Variants in CCSER1 observed in about 807,000 individuals in gnomAD.
CCSER1 encodes the protein coiled-coil serine rich protein 1.
CCSER1 carries 41 observed loss-of-function variants against 82.0 expected under a neutral mutation model. The observed-to-expected ratio is 0.50, with a 90% CI of 0.39 to 0.65. The LOEUF (loss-of-function observed/expected upper bound fraction) is 0.65, where lower values mean the gene tolerates loss of function less well. CCSER1 is among the 30% of genes least tolerant of loss of function. The probability of loss-of-function intolerance (pLI) is 0.00; values close to 1 mark genes in which losing one functional copy is unlikely to be tolerated. For synonymous variants in CCSER1, 414 were observed against 383.9 expected (o/e 1.08, Z -0.92); for missense variants, 1,119 against 1,064.2 (o/e 1.05, Z -0.72).
At chr4:91,417,816 C>T (rs764445794) in intron 10 of CCSER1, among the ~76,000 whole-genome samples, 1 of 151,646 alleles carries the variant, frequency 6.6e-6, no homozygotes, top group South Asian at 2.1e-4. Context: ...AACAAACCTG[C>T]ACATTGTGCA....
At chr4:90,763,126 C>T (rs1750651278) in intron 7 of CCSER1, among the ~76,000 whole-genome samples, 1 of 151,922 alleles carries the variant, frequency 6.6e-6, no homozygotes, top group Non-Finnish European at 1.5e-5. Context: ...TCTTGTACTA[C>T]CAACCAAAAC....
chr4:90,555,457 T>A (rs1199805165), intron 5 of CCSER1, among the ~76,000 whole-genome samples: 2 of 152,158 alleles, frequency 1.3e-5, no homozygotes, highest in African/African-American at 4.8e-5. Flanking sequence ...AATGAGAATG[T>A]AAAGTTCATT....
At chr4:91,406,312 A>G (rs1488670305) in intron 10 of CCSER1, among the ~76,000 whole-genome samples, 1 of 152,176 alleles carries the variant, frequency 6.6e-6, no homozygotes, top group Non-Finnish European at 1.5e-5. Flanking sequence ...TAAATTTAAG[A>G]AGTCAAACAG....
chr4:90,699,478 G>C (rs1737615023), intron 6 of CCSER1, among the ~76,000 whole-genome samples: 1 of 152,148 alleles, frequency 6.6e-6, no homozygotes, highest in South Asian at 2.1e-4. Flanking sequence ...GCTAGGGTTA[G>C]ACTTCCCCCA....
chr4:91,511,371 T>A (rs150114045), intron 10 of CCSER1, among the ~76,000 whole-genome samples: 24 of 152,334 alleles, frequency 1.6e-4, no homozygotes, highest in African/African-American at 5.5e-4. Flanking sequence ...ATGACATTCA[T>A]AGCTTGACAG....
rs1189329651 is a variant in CCSER1, at chr4:91,496,766, CA to C, written c.2218-101804del. 1.1e-3 allele frequency among the ~76,000 whole-genome samples: 52 copies of C among 48,670 alleles called. 15 individuals carry two copies. The highest frequency in any genetic ancestry group is 4.2e-3 in the African/African-American group (52 of 12,346). The allele number at this position is 48,670 out of a possible 152,430, so 31.9% of individuals were successfully genotyped here. A position where few individuals can be genotyped will look rare whatever the true frequency, so the allele number is the denominator to read the frequency against. On this transcript the variant is annotated intron_variant, in intron 10 of 10. Coordinates refer to ENST00000509176, the MANE Select transcript of CCSER1 (RefSeq NM_001145065.2). ...ATATATATTTGAATATATATATATT[CA>C]ATATATATTGAATATATATTGAATA...
chr4:91,039,237 C>T (rs111824292), intron 9 of CCSER1, among the ~76,000 whole-genome samples: 1,858 of 150,700 alleles, frequency 0.012, 37 homozygotes, highest in African/African-American at 0.042. Context: ...GAGACAGGGT[C>T]TCACTATGTT....
At chr4:91,360,255 T>C (rs1749159508) in intron 10 of CCSER1, among the ~76,000 whole-genome samples, 1 of 151,780 alleles carries the variant, frequency 6.6e-6, no homozygotes, top group Non-Finnish European at 1.5e-5. Context: ...CCATTTTTCT[T>C]CCAGATTTGT....
intron 10 of CCSER1, among the ~76,000 whole-genome samples, chr4:91,146,426 T>A (rs1729544115): frequency 6.6e-6 from 1 of 152,194 alleles, no homozygotes; most frequent in African/African-American, 2.4e-5. Flanking sequence ...GTCTGTCATT[T>A]CAGACATTTC....
intron 6 of CCSER1, among the ~76,000 whole-genome samples, chr4:90,687,209 C>A (rs573920833): frequency 6.6e-6 from 1 of 152,118 alleles, no homozygotes; most frequent in Admixed American, 6.6e-5. Flanking sequence ...ATGTAAAATT[C>A]TTTTTTTCAA....
At chr4:90,912,802 T>C (rs1335385487) in intron 8 of CCSER1, among the ~76,000 whole-genome samples, 2 of 152,146 alleles carry the variant, frequency 1.3e-5, no homozygotes, top group African/African-American at 2.4e-5. Flanking sequence ...AAGGACCTGA[T>C]GGAGATGAAA....
rs956755804 is a variant in CCSER1 at position 91,550,975 on chromosome 4, C to T, written c.2218-47597C>T. On this transcript the variant is annotated intron_variant, in intron 10 of 10. Transcript: ENST00000509176. ...TTATGTTCATGACTTACTTTAAGAA[C>T]ATAAAGTATTTTCTGCTTGATATAG... Among the ~76,000 whole-genome samples the T allele has an allele frequency of 3.9e-5, 6 of 151,948 alleles. No homozygotes were observed. The South Asian group carries it at 1.2e-3, about 31-fold the overall frequency.
chr4:90,157,712 C>T (rs1578237353), intron 1 of CCSER1, among the ~76,000 whole-genome samples: 1 of 134,786 alleles, frequency 7.4e-6, no homozygotes, highest in East Asian at 2.0e-4. Context: ...TGAGCCTTGG[C>T]TTTCAGCTCC....
At chr4:90,614,843 T>A (rs1301292278) in intron 5 of CCSER1, among the ~76,000 whole-genome samples, 1 of 152,210 alleles carries the variant, frequency 6.6e-6, no homozygotes, top group Non-Finnish European at 1.5e-5. Context: ...GTGGCTACAC[T>A]GGCAAACAGA....
chr4:90,315,021 A>G (rs569412663), intron 3 of CCSER1, among the ~76,000 whole-genome samples: 15 of 151,484 alleles, frequency 9.9e-5, no homozygotes, highest in African/African-American at 3.4e-4. Flanking sequence ...TAATTTTTGT[A>G]TTTTTAGCAG....
At chr4:90,363,174 G>A (rs544461303) in intron 3 of CCSER1, among the ~76,000 whole-genome samples, 5 of 152,206 alleles carry the variant, frequency 3.3e-5, no homozygotes, top group Admixed American at 1.3e-4. Flanking sequence ...CGAAATAGCT[G>A]TGGTTCCTGT....
chr4:91,153,462 C>G (rs1258302051), intron 10 of CCSER1, among the ~76,000 whole-genome samples: 1 of 151,870 alleles, frequency 6.6e-6, no homozygotes, highest in Non-Finnish European at 1.5e-5. Context: ...AGACATCTTC[C>G]TTTAGCTTAG....
intron 8 of CCSER1, among the ~76,000 whole-genome samples, chr4:90,891,417 G>A (rs1009093045): frequency 1.3e-5 from 2 of 150,648 alleles, no homozygotes; most frequent in South Asian, 2.1e-4. Flanking sequence ...TTATAGTACT[G>A]GTAATATATA....
chr4:91,154,205 G>T (rs916372435), intron 10 of CCSER1, among the ~76,000 whole-genome samples: 2 of 151,978 alleles, frequency 1.3e-5, no homozygotes, highest in South Asian at 2.1e-4. Context: ...CAAGCCTCAG[G>T]TATGGCAAAC....
Sources: gnomAD v4.1 joint callset for allele counts (sites outside exome capture counted in the v4.1 genomes callset) on GRCh38, gnomAD v4.1.1 for gene constraint, MANE v1.5 for transcripts, NCBI Gene and HGNC (gene_info 2026-07-23, HGNC 2026-07-21) for gene names.